Variants in AKAP10 observed in about 807,000 individuals in gnomAD.
The protein encoded by AKAP10 is A-kinase anchoring protein 10, also known as A-kinase anchor protein 10, mitochondrial.
AKAP10 carries 24 observed loss-of-function variants against 80.8 expected under a neutral mutation model. That is an observed-to-expected ratio of 0.30 (90% confidence interval 0.22 to 0.42). The LOEUF (loss-of-function observed/expected upper bound fraction) is 0.42, where lower values mean the gene tolerates loss of function less well. AKAP10 is among the 10% of genes least tolerant of loss of function. The pLI is 1.00. For synonymous variants in AKAP10, 291 were observed against 277.7 expected, an observed-to-expected ratio of 1.05 and a Z score of -0.48; for missense variants, 661 against 794.9, an observed-to-expected ratio of 0.83 and a Z score of 2.03.
chr17:19,954,493 T>TA (rs1409707504), intron 4 of AKAP10, among the ~76,000 whole-genome samples: 1 of 151,566 alleles, frequency 6.6e-6, no homozygotes, highest in Non-Finnish European at 1.5e-5. Context: ...AATACTTTTT[T>TA]TTTTTTTTTG....
intron 11 of AKAP10, among the ~76,000 whole-genome samples, chr17:19,922,380 C>A (rs1007988690): frequency 6.6e-6 from 1 of 152,036 alleles, no homozygotes. Context: ...CAGAAAGATG[C>A]TAAAATCATA....
chr17:19,937,240 G>A lies in AKAP10; in HGVS notation c.1323-810C>T, dbSNP rs185131825. Among the ~76,000 whole-genome samples, 261 of 152,292 alleles carry A rather than the reference G, an allele frequency of 1.7e-3. 2 individuals carry two copies. Among genetic ancestry groups the A allele is most frequent in the Non-Finnish European group, 6.5e-4 (44 of 68,020 alleles). On this transcript the variant is annotated intron_variant, in intron 8 of 14. Coordinates refer to ENST00000225737, the MANE Select transcript of AKAP10 (RefSeq NM_007202.4). Reference sequence around the variant, plus strand: ...AAGCAGGCTGGGCACAGTGGCTCACGCCTATAATCCCAGCACTTTGGGAGG... The same window carrying A: ...AAGCAGGCTGGGCACAGTGGCTCACACCTATAATCCCAGCACTTTGGGAGG...
chr17:19,925,103 G>A (rs965706732), intron 10 of AKAP10, among the ~76,000 whole-genome samples: 3 of 152,098 alleles, frequency 2.0e-5, no homozygotes, highest in East Asian at 1.9e-4. Context: ...GATGGAGGTC[G>A]CAGTGAGCCA....
chr17:19,977,598 G>A lies in AKAP10; in HGVS notation c.82C>T (p.Arg28Trp). Residue 28 changes from arginine (R) to tryptophan (W), a missense_variant, in exon 1 of 15, where the codon CGG becomes TGG. Coordinates refer to ENST00000225737, the MANE Select transcript of AKAP10 (RefSeq NM_007202.4). ...CCGGCGCCCCCTCAGCTACCTTTCC[G>A]CCGGAAGAAGGACATGGCGGGGCCC... is the stretch of plus-strand genomic sequence containing the variant. ...DPGPAMSFFR[R>W]KVKGKEQEKT... is the part of the protein sequence containing the mutation. The A allele has an allele frequency of 8.1e-7, 1 of 1,234,290 alleles. No individual in the cohort carries two copies. The highest frequency in any genetic ancestry group is 1.0e-6 in the Non-Finnish European group (1 of 987,900). 76.5% of individuals were successfully genotyped at this position (1,234,290 alleles called of 1,614,324 possible).
At chr17:19,974,449 T>A (rs1172641553) in intron 1 of AKAP10, among the ~76,000 whole-genome samples, 1 of 152,188 alleles carries the variant, frequency 6.6e-6, no homozygotes, top group Non-Finnish European at 1.5e-5. Flanking sequence ...ACTCTATGTG[T>A]GGCTCAAGAC....
intron 10 of AKAP10, chr17:19,929,432 A>G (rs920948722): frequency 6.6e-6 from 1 of 152,208 alleles, no homozygotes; most frequent in African/African-American, 2.4e-5. Context: ...TATGCCATCA[A>G]AAGTCAGGAT....
intron 9 of AKAP10, 89 bp downstream of exon 9, chr17:19,936,197 G>C: frequency 7.0e-7 from 1 of 1,421,042 alleles, no homozygotes; most frequent in Non-Finnish European, 9.5e-7. Flanking sequence ...TTTCCACTGT[G>C]CTATTCTGCT....
chr17:19,906,252 G>T lies in AKAP10; in HGVS notation c.1984-20C>A, dbSNP rs1489023497. On this transcript the variant is annotated intron_variant, in intron 14 of 14. Coordinates refer to ENST00000225737, the MANE Select transcript of AKAP10 (RefSeq NM_007202.4). Reference sequence around the variant, plus strand: ...TCATAACTGAAAAAAGAAAAGAAAAGAAAATGGTAAGGTGCATTTCTCTAA... The same window carrying T: ...TCATAACTGAAAAAAGAAAAGAAAATAAAATGGTAAGGTGCATTTCTCTAA... The T allele has an allele frequency of 1.2e-6, 2 of 1,601,396 alleles. No individual in the cohort carries two copies. The highest frequency in any genetic ancestry group is 1.3e-5 in the African/African-American group (1 of 74,878).
At chr17:19,910,778 C>A in intron 12 of AKAP10, among the ~76,000 whole-genome samples, 1 of 137,616 alleles carries the variant, frequency 7.3e-6, no homozygotes. Flanking sequence ...TTCTAGTTCT[C>A]TAGTCTATAT....
intron 12 of AKAP10, among the ~76,000 whole-genome samples, chr17:19,917,898 T>C (rs2042764811): frequency 6.7e-6 from 1 of 149,318 alleles, no homozygotes; most frequent in African/African-American, 2.5e-5. Flanking sequence ...CTAGACTCTG[T>C]CCCCCTCCCA....
intron 1 of AKAP10, among the ~76,000 whole-genome samples, chr17:19,975,892 C>A (rs1042179493): frequency 1.3e-5 from 2 of 152,128 alleles, no homozygotes; most frequent in African/African-American, 4.8e-5. Context: ...ACTTCAATAC[C>A]AATAAATTAG....
chr17:19,958,705 TA>T, intron 3 of AKAP10, 134 bp from the exon 4 acceptor site: 1 of 690,908 alleles, frequency 1.4e-6, no homozygotes, highest in Admixed American at 3.3e-5. Context: ...CTAAAGTAAA[TA>T]AAAAAACTAC....
intron 12 of AKAP10, among the ~76,000 whole-genome samples, chr17:19,912,656 A>T (rs2042703322): frequency 6.6e-6 from 1 of 152,180 alleles, no homozygotes; most frequent in Non-Finnish European, 1.5e-5. Context: ...CAGAGGTTGC[A>T]ACCAGCTGAG....
At chr17:19,936,263 A>G in intron 9 of AKAP10, 23 bp downstream of exon 9, 1 of 1,594,910 alleles carries the variant, frequency 6.3e-7, no homozygotes, top group Non-Finnish European at 8.5e-7. Context: ...TTGTAGTTTG[A>G]TACGTTTGAA....
intron 2 of AKAP10, among the ~76,000 whole-genome samples, chr17:19,964,299 C>T (rs2043389234): frequency 6.6e-6 from 1 of 152,154 alleles, no homozygotes; most frequent in Non-Finnish European, 1.5e-5. Context: ...TCTCTTAGAA[C>T]TAGTAACTTA....
At chr17:19,924,619 G>T in intron 10 of AKAP10, 102 bp from the exon 11 acceptor site, 2 of 629,080 alleles carry the variant, frequency 3.2e-6, no homozygotes, top group South Asian at 6.5e-5. Context: ...TGAAATAGAA[G>T]TAACTTTCAC....
intron 2 of AKAP10, among the ~76,000 whole-genome samples, chr17:19,964,464 TTCTTGAGGCTA>T (rs1449192915): frequency 2.0e-5 from 3 of 152,238 alleles, no homozygotes; most frequent in Admixed American, 1.3e-4. Context: ...TTGGCTCCCC[TTCTTGAGGCTA>T]TCTGTTCTTC....
rs185650148 is a variant in AKAP10 at position 19,904,384 on chromosome 17, G to A, written c.*1843C>T. 3.5e-4 allele frequency: 54 copies of A among 152,284 alleles called. No homozygotes were observed. The highest frequency in any genetic ancestry group is 3.4e-3 in the Middle Eastern group (1 of 294). The allele number at this position is 152,284 out of a possible 1,614,324, so 9.4% of individuals were successfully genotyped here. On this transcript the variant is annotated 3_prime_UTR_variant, in exon 15 of 15. Coordinates refer to ENST00000225737, the MANE Select transcript of AKAP10 (RefSeq NM_007202.4). ...GCACAAAATGTATATACAAAGAAAT[G>A]ATTAGAATTTATCTTAACTGAAAGC...
chr17:19,931,593 G>A (rs887450147), intron 10 of AKAP10, among the ~76,000 whole-genome samples: 1 of 152,060 alleles, frequency 6.6e-6, no homozygotes, highest in Non-Finnish European at 1.5e-5. Flanking sequence ...GTTTCACCAT[G>A]TCGGCCAGGC....
Sources: gnomAD v4.1 joint callset for allele counts (sites outside exome capture counted in the v4.1 genomes callset) on GRCh38, gnomAD v4.1.1 for gene constraint, MANE v1.5 for transcripts, NCBI Gene and HGNC (gene_info 2026-07-23, HGNC 2026-07-21) for gene names.